The following YTHDC1 variants were observed in gnomAD, a reference collection of about 807,000 sequenced individuals.
YTHDC1 encodes the protein YTH N6-methyladenosine RNA binding protein C1, also known as YTH domain-containing protein 1.
YTHDC1 carries 12 observed loss-of-function variants against 107.0 expected under a neutral mutation model. The observed-to-expected ratio is 0.11, with a 90% CI of 0.07 to 0.18. YTHDC1 has a LOEUF of 0.18. Ranked by LOEUF, YTHDC1 falls within the 10% of genes least tolerant of loss-of-function variation. YTHDC1 has a pLI of 1.00. For missense variants in YTHDC1, 635 were observed against 898.8 expected (o/e 0.71, Z 3.75); for synonymous variants, 280 against 289.5 (o/e 0.97, Z 0.33).
At chr4:68,331,462 A>G (rs1335477913) in intron 7 of YTHDC1, among the ~76,000 whole-genome samples, 1 of 152,154 alleles carries the variant, frequency 6.6e-6, no homozygotes, top group East Asian at 1.9e-4. Flanking sequence ...AGTTTCTGAA[A>G]ATCAGTTGAA....
chr4:68,332,221 C>G, intron 6 of YTHDC1, 24 bp from the exon 7 acceptor site: 1 of 1,513,316 alleles, frequency 6.6e-7, no homozygotes, highest in East Asian at 2.3e-5. Flanking sequence ...AAACCCAAAT[C>G]GATTAACCAC....
At chr4:68,334,660 T>C (rs1017667490) in intron 4 of YTHDC1, among the ~76,000 whole-genome samples, 4 of 152,226 alleles carry the variant, frequency 2.6e-5, no homozygotes, top group African/African-American at 9.6e-5. Flanking sequence ...AGTCTAAGCA[T>C]TATGAATGCA....
rs1173555947 is a variant in YTHDC1, at chr4:68,322,993, C to G, written c.1435-78G>C. On this transcript the variant is annotated intron_variant, in intron 10 of 16. Transcript: ENST00000344157. This position sits in a 1 kb window ranked among gnomAD's most constrained non-coding sequence, Gnocchi z 4.8. ...CTTGCATTTTCCTGATGTACCAGAA[C>G]AAAAACTGACTTGGAAGCTTTCTTC... 1 of 1,426,372 alleles carries G rather than the reference C, an allele frequency of 7.0e-7. No individual in the cohort carries two copies. Among genetic ancestry groups the G allele is most frequent in the Non-Finnish European group, 9.6e-7 (1 of 1,044,262 alleles). The allele number at this position is 1,426,372 out of a possible 1,614,324, so 88.4% of individuals were successfully genotyped here.
In YTHDC1 at chr4:68,310,769, TG is replaced by T. The variant is rs980746516; in HGVS notation, c.*3329del. On this transcript the variant is annotated 3_prime_UTR_variant, in exon 17 of 17. Transcript: ENST00000344157. ...TACGTTGGGTCAGGGAACTCTAGCT[TG>T]GTCAGTTAACTGCTGGCAACAGTTC... is the stretch of plus-strand genomic sequence containing the variant. The T allele has an allele frequency of 1.2e-4, 19 of 152,320 alleles. No homozygotes were observed. Among genetic ancestry groups the T allele is most frequent in the African/African-American group, 4.6e-4 (19 of 41,566 alleles). 9.4% of individuals were successfully genotyped at this position (152,320 alleles called of 1,614,324 possible). A position where few individuals can be genotyped will look rare whatever the true frequency, so the allele number is the denominator to read the frequency against.
At position 68,327,324 on chromosome 4, in the gene YTHDC1, G is replaced by C. The variant is rs145220755; in HGVS notation, c.1349+2678C>G. On this transcript the variant is annotated intron_variant, in intron 9 of 16. Coordinates refer to ENST00000344157, the MANE Select transcript of YTHDC1 (RefSeq NM_001031732.4). ...GGACATGAAAGGAATATAACACCTA[G>C]TCAGTAAATGTAACTCTGGATGAAT... Among the ~76,000 whole-genome samples the C allele has an allele frequency of 6.6e-5, 10 of 152,296 alleles. No individual in the cohort carries two copies. In the East Asian group the frequency reaches 9.7e-4, roughly 15 times the overall value.
Position 68,313,435 on chromosome 4 carries a change from T to C in YTHDC1, c.*664A>G, listed in dbSNP as rs539242024. 2.6e-5 allele frequency: 4 copies of C among 152,732 alleles called. No individual in the cohort carries two copies. The highest frequency in any genetic ancestry group is 2.6e-4 in the Admixed American group (4 of 15,288). The allele number at this position is 152,732 out of a possible 1,614,324, so 9.5% of individuals were successfully genotyped here. On this transcript the variant is annotated 3_prime_UTR_variant, in exon 17 of 17. Transcript: ENST00000344157. ...AACATTCCAAGCCAATGTATACAATTTGGAGGGGAAGGCTAAACAATAGCA... is the reference window on the plus strand; with the variant it reads ...AACATTCCAAGCCAATGTATACAATCTGGAGGGGAAGGCTAAACAATAGCA...
rs1250938070 is a variant in YTHDC1, at chr4:68,311,614, A to AT, written c.*2484dup. On this transcript the variant is annotated 3_prime_UTR_variant, in exon 17 of 17. Coordinates refer to ENST00000344157, the MANE Select transcript of YTHDC1 (RefSeq NM_001031732.4). The stretch of plus-strand genomic sequence containing the variant: ...TCTTCTGTACAGAAAAAAATCTTGC[A>AT]TTTTTTATACAATGTTCCGGTAAGT... 1 of 152,164 alleles carries AT rather than the reference A, an allele frequency of 6.6e-6. No individual in the cohort carries two copies. The highest frequency in any genetic ancestry group is 2.4e-5 in the African/African-American group (1 of 41,446). The allele number at this position is 152,164 out of a possible 1,614,324, so 9.4% of individuals were successfully genotyped here. A position where few individuals can be genotyped will look rare whatever the true frequency, so the allele number is the denominator to read the frequency against.
chr4:68,342,725 T>G (rs1157157392), intron 1 of YTHDC1, among the ~76,000 whole-genome samples: 7 of 152,216 alleles, frequency 4.6e-5, no homozygotes. Context: ...ACACTTTGCA[T>G]ACATTTTAAT....
chr4:68,339,203 C>T (rs1000835298), intron 1 of YTHDC1, among the ~76,000 whole-genome samples: 1 of 152,116 alleles, frequency 6.6e-6, no homozygotes, highest in African/African-American at 2.4e-5. Context: ...TCATGGACCT[C>T]CTGTAACAAT....
At position 68,337,238 on chromosome 4, in the gene YTHDC1, CTCT is replaced by C. The variant is rs764259132; in HGVS notation, c.669_671del (p.Glu224del). ...CCTCCTCCTCTCCATCTTCATCCAC[CTCT>C]TCATCTTCTTCTGCATCTTCTTCTA... is the stretch of plus-strand genomic sequence containing the variant. On this transcript the variant is annotated inframe_deletion, in exon 4 of 17. Coordinates refer to ENST00000344157, the MANE Select transcript of YTHDC1 (RefSeq NM_001031732.4). 53 of 1,603,870 alleles carry C rather than the reference CTCT, an allele frequency of 3.3e-5. No individual in the cohort carries two copies. Among genetic ancestry groups the C allele is most frequent in the African/African-American group, 5.4e-5 (4 of 74,530 alleles).
chr4:68,318,448 C>T, intron 15 of YTHDC1, 71 bp downstream of exon 15: 3 of 1,407,628 alleles, frequency 2.1e-6, no homozygotes. Flanking sequence ...CAATCATATT[C>T]CGAGTAAGCA....
chr4:68,333,661 T>C (rs757973798), intron 4 of YTHDC1, among the ~76,000 whole-genome samples: 12 of 152,016 alleles, frequency 7.9e-5, no homozygotes, highest in Admixed American at 6.6e-5. Context: ...TTGCCATATA[T>C]AGGTGGCCTT....
At position 68,318,712 on chromosome 4, in the gene YTHDC1, C is replaced by T. The variant is rs773762487; in HGVS notation, c.1739G>A (p.Arg580His). 14 of 1,613,868 alleles carry T rather than the reference C, an allele frequency of 8.7e-6. No homozygotes were observed. Among genetic ancestry groups the T allele is most frequent in the Non-Finnish European group, 1.2e-5 (14 of 1,179,980 alleles). The change falls in exon 14 of 17, where the codon CGC becomes CAC. Residue 580 changes from arginine (R) to histidine (H), a missense_variant. Physicochemically the swap from Arg to His is conservative, Grantham distance 29. Coordinates refer to ENST00000344157, the MANE Select transcript of YTHDC1 (RefSeq NM_001031732.4). ...TACCCCATTTAAAAACACATCTCGG[C>T]GAACTCCTGAAAATCGTCTGTTGGG... ...QEVDRRFSGV[R>H]RDVFLNGSYN...
chr4:68,314,438 T>C lies in YTHDC1; in HGVS notation c.1960-115A>G, dbSNP rs142293722. The stretch of plus-strand genomic sequence containing the variant: ...ATTTTAAAATATAAAAAAAGAAAAG[T>C]CTCTGTATTATAATCGGCGGAGAGA... On this transcript the variant is annotated intron_variant, in intron 16 of 16. Coordinates refer to ENST00000344157, the MANE Select transcript of YTHDC1 (RefSeq NM_001031732.4). 1,098 of 880,454 alleles carry C rather than the reference T, an allele frequency of 1.2e-3. 21 individuals carry two copies. In the East Asian group the frequency reaches 0.028, roughly 22 times the overall value. 54.5% of individuals were successfully genotyped at this position (880,454 alleles called of 1,614,324 possible).
intron 1 of YTHDC1, among the ~76,000 whole-genome samples, chr4:68,346,917 G>C (rs1045445936): frequency 6.6e-6 from 1 of 152,128 alleles, no homozygotes; most frequent in Non-Finnish European, 1.5e-5. Context: ...ATCCACTGTG[G>C]ATCTTAGAAC....
intron 9 of YTHDC1, among the ~76,000 whole-genome samples, chr4:68,326,917 G>C (rs769329320): frequency 2.6e-5 from 4 of 151,474 alleles, no homozygotes; most frequent in African/African-American, 7.3e-5. Context: ...ATGCTGGACA[G>C]TGGTTTGTTG....
chr4:68,335,962 C>T (rs898738142), intron 4 of YTHDC1, among the ~76,000 whole-genome samples: 4 of 148,942 alleles, frequency 2.7e-5, no homozygotes, highest in Non-Finnish European at 4.5e-5. Flanking sequence ...TCTACCTATA[C>T]TGTATGTAGT....
chr4:68,339,581 G>A (rs1287076053), intron 1 of YTHDC1, among the ~76,000 whole-genome samples: 1 of 147,428 alleles, frequency 6.8e-6, no homozygotes, highest in African/African-American at 2.5e-5. Flanking sequence ...AATGGTTCAG[G>A]AAAAAAGTGT....
chr4:68,328,171 G>A (rs1723198585), intron 9 of YTHDC1, among the ~76,000 whole-genome samples: 1 of 152,106 alleles, frequency 6.6e-6, no homozygotes, highest in Non-Finnish European at 1.5e-5. Flanking sequence ...ATGTAAAAAT[G>A]AAGGTTAACA....
Sources: allele counts gnomAD v4.1 joint callset (sites outside exome capture counted in the v4.1 genomes callset), GRCh38; gene constraint gnomAD v4.1.1; non-coding constraint Gnocchi (gnomAD v3.1); transcripts MANE v1.5; gene names NCBI Gene and HGNC (gene_info 2026-07-23, HGNC 2026-07-21).